Variants in EI24 observed in about 807,000 individuals in gnomAD.
The protein encoded by EI24 is EI24 autophagy associated transmembrane protein.
A neutral mutation model predicts 48.6 loss-of-function variants in EI24; 21 were observed. That is an observed-to-expected ratio of 0.43 (90% CI 0.31 to 0.62). The LOEUF is 0.62. Ranked by LOEUF, EI24 falls within the 20% of genes least tolerant of loss-of-function variation. The pLI is 0.10. For missense variants in EI24, 280 were observed against 410.5 expected (o/e 0.68, Z 2.75); for synonymous variants, 114 against 145.5 (o/e 0.78, Z 1.56).
At chr11:125,573,111 GC>G (rs1051962814) in intron 2 of EI24, among the ~76,000 whole-genome samples, 2 of 151,006 alleles carry the variant, frequency 1.3e-5, no homozygotes, top group Non-Finnish European at 2.9e-5. Flanking sequence ...TTGGCATGTT[GC>G]CCAGGCTGGT....
intron 5 of EI24, 134 bp from the exon 6 acceptor site, chr11:125,577,999 A>T: frequency 1.0e-6 from 1 of 966,382 alleles, no homozygotes. Context: ...TCTTTGAGAT[A>T]GGTATAGTGA....
At chr11:125,573,240 C>T (rs74986931) in intron 2 of EI24, among the ~76,000 whole-genome samples, 10,334 of 152,098 alleles carry the variant, frequency 0.068, 397 homozygotes, top group African/African-American at 0.1. Context: ...AAGCTGTGCA[C>T]GTGAGGAGGA....
rs529487859 is a variant in EI24, at chr11:125,577,705, T to C, written c.316+135T>C. On this transcript the variant is annotated intron_variant, in intron 5 of 10. Coordinates refer to ENST00000278903, the MANE Select transcript of EI24 (RefSeq NM_004879.5). ...TTTTCTTTTTTGTTGTTTTATTCTT[T>C]TTAAAAATTTATATTTCGTTATTCT... 10 of 756,256 alleles carry C rather than the reference T, an allele frequency of 1.3e-5. No individual in the cohort carries two copies. In the African/African-American group the frequency reaches 1.8e-4, roughly 13 times the overall value. The allele number at this position is 756,256 out of a possible 1,614,324, so 46.8% of individuals were successfully genotyped here.
At chr11:125,576,586 C>A (rs539646354) in intron 4 of EI24, among the ~76,000 whole-genome samples, 2 of 152,170 alleles carry the variant, frequency 1.3e-5, no homozygotes, top group East Asian at 3.8e-4. Context: ...GTAGCAGTTT[C>A]TCTTGACACT....
rs375652371 is a variant in EI24 at position 125,583,615 on chromosome 11, A to C, written c.955A>C (p.Thr319Pro). The change falls in exon 11 of 11, where the codon ACT (threonine) becomes CCT (proline). Residue 319 changes from threonine to proline, a missense_variant. Coordinates refer to ENST00000278903, the MANE Select transcript of EI24 (RefSeq NM_004879.5). ...CCTGCAGTCGGCCCTGAGCAGCTCT[A>C]CTTCTGCAGAGAAGTTCCCTTCACC... ...VYLQSALSSS[T>P]SAEKFPSPHP... 3.1e-6 allele frequency: 5 copies of C among 1,613,306 alleles called. No individual in the cohort carries two copies. Among genetic ancestry groups the C allele is most frequent in the East Asian group, 2.2e-5 (1 of 44,846 alleles).
intron 2 of EI24, chr11:125,573,665 A>G (rs1938616021): frequency 6.6e-6 from 1 of 150,962 alleles, no homozygotes; most frequent in Admixed American, 6.7e-5. Flanking sequence ...AAAAGACTTT[A>G]TGCATATGAT....
rs777026055 is a variant in EI24, at chr11:125,575,362, G to T, written c.142G>T (p.Val48Phe). Residue 48 changes from valine (V) to phenylalanine (F), a missense_variant, in exon 3 of 11, where the codon GTC becomes TTC. Physicochemically the swap from Val to Phe is conservative, Grantham distance 50. This residue lies in a region of EI24 where 204 missense variants were observed against 294.1 expected (regional missense o/e 0.69). Coordinates refer to ENST00000278903, the MANE Select transcript of EI24 (RefSeq NM_004879.5). ...EEQRRRRASSVLAQRRAQSIE... is the reference protein window; with the variant it reads ...EEQRRRRASSFLAQRRAQSIE... Reference sequence around the variant, plus strand: ...GCAGCGTCGAAGAAGGGCAAGTAGTGTCTTGGCACAGAGAAGAGCCCAGAG... The same window carrying T: ...GCAGCGTCGAAGAAGGGCAAGTAGTTTCTTGGCACAGAGAAGAGCCCAGAG... The T allele has an allele frequency of 3.1e-6, 5 of 1,591,508 alleles. No homozygotes were observed. Among genetic ancestry groups the T allele is most frequent in the South Asian group, 1.1e-5 (1 of 87,034 alleles).
At position 125,569,543 on chromosome 11, in the gene EI24, C is replaced by T; in HGVS notation, c.-101C>T. ...GAGCTGGCCTGCGGTGGGCTAGGGG[C>T]AGGGCCGGAGCCGCGGCGGCGGAGC... On this transcript the variant is annotated 5_prime_UTR_variant, in exon 1 of 11. Coordinates refer to ENST00000278903, the MANE Select transcript of EI24 (RefSeq NM_004879.5). 3 of 376,458 alleles carry T rather than the reference C, an allele frequency of 8.0e-6. No individual in the cohort carries two copies. Among genetic ancestry groups the T allele is most frequent in the Non-Finnish European group, 1.4e-5 (3 of 211,854 alleles). The allele number at this position is 376,458 out of a possible 1,614,324, so 23.3% of individuals were successfully genotyped here.
At chr11:125,582,324 T>C in intron 9 of EI24, 22 bp from the exon 10 acceptor site, 1 of 1,446,778 alleles carries the variant, frequency 6.9e-7, no homozygotes, top group Non-Finnish European at 9.3e-7. Flanking sequence ...ACTAATTATT[T>C]CTTTTTTTTT....
rs1415107267 is a variant in EI24 at position 125,579,001 on chromosome 11, C to T, written c.494C>T (p.Pro165Leu). Residue 165 changes from proline (P) to leucine (L), a missense_variant, in exon 7 of 11, where the codon CCT becomes CTT. Pro to Leu is a moderately conservative substitution (Grantham distance 98). This residue lies in a region of EI24 where 204 missense variants were observed against 294.1 expected (regional missense o/e 0.69). Coordinates refer to ENST00000278903, the MANE Select transcript of EI24 (RefSeq NM_004879.5). ...EVSGRKPHPF[P>L]SVSKIIADML... is the part of the protein sequence containing the mutation. ...TCAGGGAGGAAGCCTCACCCATTCC[C>T]TAGTGTCAGCAAAATAATTGCTGAC... 1 of 1,590,160 alleles carries T rather than the reference C, an allele frequency of 6.3e-7. No homozygotes were observed. Among genetic ancestry groups the T allele is most frequent in the Admixed American group, 1.8e-5 (1 of 56,184 alleles).
chr11:125,582,822 G>T (rs910989869), intron 10 of EI24, among the ~76,000 whole-genome samples: 1 of 152,154 alleles, frequency 6.6e-6, no homozygotes, highest in Admixed American at 6.6e-5. Context: ...TTGTATTAGA[G>T]ACTTAGGTCT....
rs1380867159 is a variant in EI24 at position 125,583,610 on chromosome 11, G to A, written c.950G>A (p.Ser317Asn). 6.2e-7 allele frequency: 1 copy of A among 1,613,238 alleles called. No homozygotes were observed. The highest frequency in any genetic ancestry group is 8.5e-7 in the Non-Finnish European group (1 of 1,179,780). The change falls in exon 11 of 11, where the codon AGC becomes AAC. Residue 317 changes from serine to asparagine, a missense_variant. Ser to Asn is a conservative substitution (Grantham distance 46). Around this residue, in one of 3 missense-constraint regions of EI24, gnomAD observed 62 missense variants for 65.1 expected, o/e 0.95. Coordinates refer to ENST00000278903, the MANE Select transcript of EI24 (RefSeq NM_004879.5). ...KTVYLQSALS[S>N]STSAEKFPSP... ...GTCTACCTGCAGTCGGCCCTGAGCA[G>A]CTCTACTTCTGCAGAGAAGTTCCCT...
At chr11:125,573,136 G>A (rs2135850086) in intron 2 of EI24, among the ~76,000 whole-genome samples, 1 of 151,858 alleles carries the variant, frequency 6.6e-6, no homozygotes, top group East Asian at 1.9e-4. Flanking sequence ...AAACTCCTGG[G>A]CTCAAGTGAT....
chr11:125,578,074 C>G, intron 5 of EI24, 59 bp from the exon 6 acceptor site: 1 of 1,606,242 alleles, frequency 6.2e-7, no homozygotes, highest in South Asian at 1.1e-5. Context: ...GGGGGTTCCG[C>G]ATTTGGTCTT....
intron 8 of EI24, among the ~76,000 whole-genome samples, chr11:125,580,584 T>C (rs1938951653): frequency 6.6e-6 from 1 of 151,822 alleles, no homozygotes. Context: ...AGAGGTTAAC[T>C]GATACTTACA....
intron 2 of EI24, among the ~76,000 whole-genome samples, chr11:125,574,389 C>T (rs1938652408): frequency 6.6e-6 from 1 of 152,158 alleles, no homozygotes; most frequent in African/African-American, 2.4e-5. Context: ...GCCATTTGAA[C>T]TTAACTATCT....
chr11:125,578,169 T>C lies in EI24; in HGVS notation c.353T>C (p.Leu118Pro). Residue 118 changes from leucine (L) to proline (P), a missense_variant, in exon 6 of 11, where the codon CTG becomes CCG. Leu to Pro is a moderately conservative substitution (Grantham distance 98). Coordinates refer to ENST00000278903, the MANE Select transcript of EI24 (RefSeq NM_004879.5). ...PSLHGDVWSWLEFFLTSIFSA... is the reference protein window; with the variant it reads ...PSLHGDVWSWPEFFLTSIFSA... ...CTACATGGAGATGTTTGGTCGTGGC[T>C]GGAATTCTTCCTCACGTCAATTTTC... 6 of 1,613,854 alleles carry C rather than the reference T, an allele frequency of 3.7e-6. No individual in the cohort carries two copies. Among genetic ancestry groups the C allele is most frequent in the Non-Finnish European group, 5.1e-6 (6 of 1,179,888 alleles).
chr11:125,576,617 T>G (rs554721), intron 4 of EI24, among the ~76,000 whole-genome samples: 23,551 of 152,210 alleles, frequency 0.15, 1,933 homozygotes, highest in Middle Eastern at 0.27. Context: ...TTTAAAATGC[T>G]AACAGCAACT....
At chr11:125,572,366 ACAAGTATGTGAGG>A in intron 1 of EI24, 79 bp from the exon 2 acceptor site, 1 of 660,844 alleles carries the variant, frequency 1.5e-6, no homozygotes, top group South Asian at 1.8e-5. Context: ...TACTAGAGCT[ACAAGTATGTGAGG>A]TCATCATGTG....
Sources: allele counts gnomAD v4.1 joint callset (sites outside exome capture counted in the v4.1 genomes callset), GRCh38; gene constraint gnomAD v4.1.1; regional missense constraint gnomAD v4.1.1; transcripts MANE v1.5; gene names NCBI Gene and HGNC (gene_info 2026-07-23, HGNC 2026-07-21).